SYT2: variants seen among roughly 807,000 people sequenced by gnomAD.
The protein encoded by SYT2 is synaptotagmin-2.
In SYT2, 15 loss-of-function variants were observed where a neutral mutation model predicts 39.9. The ratio of observed to expected loss-of-function variants is 0.38; its 90% CI spans 0.25 to 0.58. SYT2 has a LOEUF of 0.58. SYT2 is among the 20% of genes least tolerant of loss of function. The pLI is 0.70. For synonymous variants in SYT2, 181 were observed against 204.5 expected (o/e 0.89, Z 0.98); for missense variants, 389 against 530.3 (o/e 0.73, Z 2.62).
intron 1 of SYT2, among the ~76,000 whole-genome samples, chr1:202,645,923 GAT>G (rs1692072363): frequency 6.6e-6 from 1 of 152,196 alleles, no homozygotes; most frequent in African/African-American, 2.4e-5. Context: ...ATGACAGCCT[GAT>G]AATCTTAATT....
At chr1:202,709,837 A>C (rs1486295344) in intron 1 of SYT2, among the ~76,000 whole-genome samples, 1 of 152,072 alleles carries the variant, frequency 6.6e-6, no homozygotes, top group Non-Finnish European at 1.5e-5. Flanking sequence ...AGACTGGGGC[A>C]AAAGAACCTT....
chr1:202,619,599 C>T (rs66958253), intron 1 of SYT2, among the ~76,000 whole-genome samples: 4,878 of 152,332 alleles, frequency 0.032, 123 homozygotes, highest in Middle Eastern at 0.078. Flanking sequence ...ACTCAGTGGA[C>T]TGGAATGTGC....
At chr1:202,640,427 G>A (rs1251357633) in intron 1 of SYT2, among the ~76,000 whole-genome samples, 2 of 152,132 alleles carry the variant, frequency 1.3e-5, no homozygotes, top group South Asian at 2.1e-4. Context: ...CTTCAGTCCC[G>A]GCCATGGGGT....
intron 1 of SYT2, among the ~76,000 whole-genome samples, chr1:202,646,659 A>G (rs1692089194): frequency 6.6e-6 from 1 of 152,204 alleles, no homozygotes; most frequent in Non-Finnish European, 1.5e-5. Context: ...TATAAAACAG[A>G]CTTTTTGTAA....
rs541140980 is a variant in SYT2 at position 202,601,871 on chromosome 1, G to C, written c.801+19C>G. 9 of 1,610,354 alleles carry C rather than the reference G, an allele frequency of 5.6e-6. No homozygotes were observed. The highest frequency in any genetic ancestry group is 4.5e-5 in the East Asian group (2 of 44,814). ...TACATTCGTCTTTCTGCCCAACCTG[G>C]CCTCATCTCTGCTCTTACCTCCTCC... On this transcript the variant is annotated intron_variant, in intron 6 of 8. Transcript: ENST00000367268. This position sits in a 1 kb window ranked among gnomAD's most constrained non-coding sequence, Gnocchi z 4.0.
At chr1:202,651,788 T>C (rs1692198944) in intron 1 of SYT2, among the ~76,000 whole-genome samples, 1 of 152,218 alleles carries the variant, frequency 6.6e-6, no homozygotes, top group African/African-American at 2.4e-5. Flanking sequence ...AGGGCAGGCG[T>C]GGTGGCTCAC....
At chr1:202,686,253 C>A (rs896971437) in intron 1 of SYT2, among the ~76,000 whole-genome samples, 10 of 152,188 alleles carry the variant, frequency 6.6e-5, no homozygotes, top group Admixed American at 1.3e-4. Flanking sequence ...GCCTGCAGAA[C>A]CGTGAACCAA....
chr1:202,650,381 G>A (rs924292181), intron 1 of SYT2, among the ~76,000 whole-genome samples: 2 of 151,766 alleles, frequency 1.3e-5, no homozygotes, highest in East Asian at 1.9e-4. Context: ...CTACGTGTAC[G>A]TCTCTTCCAG....
At chr1:202,600,624 C>T in intron 6 of SYT2, 150 bp from the exon 7 acceptor site, 1 of 668,346 alleles carries the variant, frequency 1.5e-6, no homozygotes, top group Admixed American at 2.5e-5. Flanking sequence ...CCGAGAAGGT[C>T]TTCCAGCATC....
At position 202,596,849 on chromosome 1, in the gene SYT2, C is replaced by T. The variant is rs765719765; in HGVS notation, c.1168G>A (p.Asp390Asn). ...GGCCTCCGGGGGTTGGCCAGCATGT[C>T]GGACCAGTGCCGCAGCTCTGTGCCC... is the stretch of plus-strand genomic sequence containing the variant. ...ATGTELRHWS[D>N]MLANPRRPIA... is the part of the protein sequence containing the mutation. The change falls in exon 9 of 9, where the codon GAC (aspartate) becomes AAC (asparagine). Residue 390 changes from aspartate to asparagine, a missense_variant. By Grantham distance (23) the Asp-to-Asn change is conservative (BLOSUM62 1). Transcript: ENST00000367268. 7 of 1,614,192 alleles carry T rather than the reference C, an allele frequency of 4.3e-6. No homozygotes were observed. Among genetic ancestry groups the T allele is most frequent in the East Asian group, 2.2e-5 (1 of 44,870 alleles).
intron 1 of SYT2, among the ~76,000 whole-genome samples, chr1:202,654,423 G>A (rs1385537528): frequency 1.3e-5 from 2 of 152,260 alleles, no homozygotes; most frequent in South Asian, 4.1e-4. Flanking sequence ...GCACCAGAAC[G>A]CCTTCCTCCA....
chr1:202,670,305 C>A (rs1692563924), intron 1 of SYT2, among the ~76,000 whole-genome samples: 1 of 152,198 alleles, frequency 6.6e-6, no homozygotes, highest in Admixed American at 6.5e-5. Flanking sequence ...TAGGCCAAGA[C>A]AGCATGGGAT....
chr1:202,650,796 C>T (rs930595388), intron 1 of SYT2, among the ~76,000 whole-genome samples: 3 of 152,172 alleles, frequency 2.0e-5, no homozygotes, highest in Non-Finnish European at 4.4e-5. Context: ...GCCCTTGGAG[C>T]CTCCATGGGG....
chr1:202,617,884 C>A (rs578816), intron 1 of SYT2, among the ~76,000 whole-genome samples: 1 of 151,942 alleles, frequency 6.6e-6, no homozygotes, highest in Admixed American at 6.6e-5. Flanking sequence ...TTTGTTGGGA[C>A]GCTCACTTGT....
intron 6 of SYT2, 62 bp from the exon 7 acceptor site, chr1:202,600,536 G>T: frequency 6.6e-7 from 1 of 1,524,550 alleles, no homozygotes; most frequent in South Asian, 1.1e-5. Context: ...TCTCATGGCT[G>T]ACCTCTTTCT....
At chr1:202,644,227 G>A (rs915022123) in intron 1 of SYT2, among the ~76,000 whole-genome samples, 7 of 152,122 alleles carry the variant, frequency 4.6e-5, no homozygotes, top group Admixed American at 2.0e-4. Context: ...ACGGGTGTGG[G>A]GGAGAGGAGG....
At chr1:202,665,686 G>A (rs979186310) in intron 1 of SYT2, among the ~76,000 whole-genome samples, 7 of 152,044 alleles carry the variant, frequency 4.6e-5, no homozygotes, top group Admixed American at 3.3e-4. Flanking sequence ...GGAGGGCCTC[G>A]GTGCACCTTT....
chr1:202,626,248 C>T (rs1269377346), intron 1 of SYT2, among the ~76,000 whole-genome samples: 3 of 152,048 alleles, frequency 2.0e-5, no homozygotes, highest in African/African-American at 4.8e-5. Flanking sequence ...CCCCCACCCT[C>T]CCTCTGCAGT....
chr1:202,605,128 T>C (rs1690657956), intron 2 of SYT2: 1 of 169,968 alleles, frequency 5.9e-6, no homozygotes, highest in Admixed American at 5.8e-5. Flanking sequence ...GGTCCTGGGC[T>C]GCTCTCTGTG....
Sources: gnomAD v4.1 joint callset for allele counts (sites outside exome capture counted in the v4.1 genomes callset) on GRCh38, gnomAD v4.1.1 for gene constraint, Gnocchi (gnomAD v3.1) non-coding constraint, MANE v1.5 for transcripts, NCBI Gene and HGNC (gene_info 2026-07-23, HGNC 2026-07-21) for gene names.